The following CCDC7 variants were observed in gnomAD, a reference collection of about 807,000 sequenced individuals.
CCDC7 encodes the protein coiled-coil domain-containing protein 7.
In CCDC7, 183 loss-of-function variants were observed where a neutral mutation model predicts 196.9. The observed-to-expected ratio is 0.93, with a 90% CI of 0.82 to 1.05. The LOEUF is 1.05. Ranked by LOEUF, CCDC7 falls within the 50% of genes least tolerant of loss-of-function variation. The pLI, the probability that CCDC7 is intolerant of heterozygous loss-of-function variation, is 0.00. For missense variants in CCDC7, 1,540 were observed against 1,482.2 expected, an observed-to-expected ratio of 1.04 and a Z score of -0.64; for synonymous variants, 525 against 484.6, an observed-to-expected ratio of 1.08 and a Z score of -1.10.
chr10:32,871,782 G>A, intron 41 of CCDC7, among the ~76,000 whole-genome samples: 1 of 152,122 alleles, frequency 6.6e-6, no homozygotes. Context: ...ATATGTCCCA[G>A]AGATTCTGGT....
chr10:32,771,073 C>T (rs893493349), intron 28 of CCDC7, among the ~76,000 whole-genome samples: 1 of 152,124 alleles, frequency 6.6e-6, no homozygotes, highest in African/African-American at 2.4e-5. Context: ...AGGCCATTTA[C>T]ATTCAATGTT....
intron 21 of CCDC7, among the ~76,000 whole-genome samples, chr10:32,682,438 G>A (rs1026071630): frequency 6.6e-6 from 1 of 152,194 alleles, no homozygotes; most frequent in African/African-American, 2.4e-5. Context: ...CTTTGCTACT[G>A]TGAATAGTGC....
chr10:32,602,204 G>C (rs982375838), intron 18 of CCDC7, among the ~76,000 whole-genome samples: 1 of 151,714 alleles, frequency 6.6e-6, no homozygotes, highest in African/African-American at 2.4e-5. Context: ...TTTAAGAGCT[G>C]TTAACACTCA....
intron 28 of CCDC7, among the ~76,000 whole-genome samples, chr10:32,774,165 C>G (rs762682950): frequency 6.6e-6 from 1 of 152,164 alleles, no homozygotes; most frequent in Non-Finnish European, 1.5e-5. Flanking sequence ...TTTGGTCCTT[C>G]CTGTGGATTG....
chr10:32,812,394 T>A (rs960533049), intron 30 of CCDC7, among the ~76,000 whole-genome samples: 1 of 152,078 alleles, frequency 6.6e-6, no homozygotes, highest in African/African-American at 2.4e-5. Context: ...GAAATAATTA[T>A]AACAACAACT....
chr10:32,766,058 T>A (rs1330186579), intron 28 of CCDC7, among the ~76,000 whole-genome samples: 3 of 152,114 alleles, frequency 2.0e-5, no homozygotes, highest in Admixed American at 2.0e-4. Flanking sequence ...GATGATATGC[T>A]GACTGGACCT....
At chr10:32,461,715 A>ATATATATATATATG (rs1441046849) in intron 3 of CCDC7, among the ~76,000 whole-genome samples, 52 of 27,356 alleles carry the variant, frequency 1.9e-3, no homozygotes, top group African/African-American at 5.5e-3. Context: ...GTGTGTATAT[A>ATATATATATATATG]TATATATATA....
intron 9 of CCDC7, chr10:32,499,355 T>G (rs2043487343): frequency 6.6e-6 from 1 of 152,160 alleles, no homozygotes; most frequent in Admixed American, 6.5e-5. Flanking sequence ...ATCTGATTAT[T>G]CTTTCAAAAT....
At chr10:32,800,302 C>A (rs1047211439) in intron 29 of CCDC7, among the ~76,000 whole-genome samples, 4 of 152,160 alleles carry the variant, frequency 2.6e-5, no homozygotes, top group Non-Finnish European at 5.9e-5. Context: ...CTAATGGCTT[C>A]CATTTGGCCT....
Position 32,519,521 on chromosome 10 carries a change from G to A in CCDC7, c.993+1016G>A, listed in dbSNP as rs542390817. Among the ~76,000 whole-genome samples the A allele has an allele frequency of 6.7e-4, 102 of 152,136 alleles. No individual in the cohort carries two copies. The South Asian group carries it at 0.014, about 21-fold the overall frequency. On this transcript the variant is annotated intron_variant, in intron 11 of 41. Transcript: ENST00000639629. ...ACAACAAGGTTTTCTTGTTTAATGC[G>A]TAGAAACTTTGGTGCTCATTTGGTA...
chr10:32,694,979 G>A lies in CCDC7; in HGVS notation c.2445G>A (p.Glu815=), dbSNP rs768473708. The stretch of plus-strand genomic sequence containing the variant: ...AAAAAACCAAAAAACTTCCTAGAGA[G>A]AAAAGACATAGTAGTAAGTATAATA... Residue 815 remains glutamate (E), a synonymous_variant, in exon 24 of 42, where the codon GAG becomes GAA. Transcript: ENST00000639629. 5.1e-6 allele frequency: 8 copies of A among 1,576,610 alleles called. No homozygotes were observed. The Admixed American group carries it at 8.5e-5, about 17-fold the overall frequency.
At chr10:32,453,935 C>G (rs2033728882) in intron 2 of CCDC7, among the ~76,000 whole-genome samples, 1 of 152,270 alleles carries the variant, frequency 6.6e-6, no homozygotes, top group East Asian at 1.9e-4. Context: ...GCCAGAATAG[C>G]TACTGAATCC....
At chr10:32,599,563 T>C (rs1471356810) in intron 18 of CCDC7, among the ~76,000 whole-genome samples, 3 of 152,178 alleles carry the variant, frequency 2.0e-5, no homozygotes, top group Non-Finnish European at 4.4e-5. Context: ...TTTATTCTCC[T>C]CTCATTTTCT....
intron 19 of CCDC7, 95 bp from the exon 21 acceptor site, chr10:32,634,962 A>C: frequency 2.5e-6 from 1 of 395,388 alleles, no homozygotes; most frequent in Non-Finnish European, 4.5e-6. Flanking sequence ...GTAACTTCCT[A>C]GTCCTATTCC....
intron 31 of CCDC7, among the ~76,000 whole-genome samples, chr10:32,816,431 G>A (rs1436599645): frequency 2.6e-5 from 4 of 152,204 alleles, no homozygotes; most frequent in Non-Finnish European, 2.9e-5. Context: ...CCAAACAAAA[G>A]GCAGCAGAAA....
chr10:32,760,686 G>A (rs1304220942), intron 28 of CCDC7, among the ~76,000 whole-genome samples: 1 of 151,588 alleles, frequency 6.6e-6, no homozygotes, highest in African/African-American at 2.4e-5. Context: ...CATGGCACAT[G>A]TATACATATG....
intron 24 of CCDC7, among the ~76,000 whole-genome samples, chr10:32,700,180 G>A (rs565461193): frequency 6.7e-6 from 1 of 149,380 alleles, no homozygotes; most frequent in East Asian, 1.9e-4. Flanking sequence ...GGGTTTTTAT[G>A]GTTTTAGGTC....
At chr10:32,504,113 T>TG (rs201983907) in intron 9 of CCDC7, among the ~76,000 whole-genome samples, 104 of 133,544 alleles carry the variant, frequency 7.8e-4, no homozygotes, top group African/African-American at 1.7e-3. Context: ...TATTTATTGC[T>TG]GGTTTTTTTT....
At chr10:32,766,449 T>C (rs1419544005) in intron 28 of CCDC7, among the ~76,000 whole-genome samples, 2 of 151,982 alleles carry the variant, frequency 1.3e-5, no homozygotes, top group African/African-American at 4.8e-5. Context: ...ATCTTACAGA[T>C]CCAATGGTGC....
Sources: gnomAD v4.1 joint callset for allele counts (sites outside exome capture counted in the v4.1 genomes callset) on GRCh38, gnomAD v4.1.1 for gene constraint, MANE v1.5 for transcripts, NCBI Gene and HGNC (gene_info 2026-07-23, HGNC 2026-07-21) for gene names.